The following CAMSAP1 variants were observed in gnomAD, a reference collection of about 807,000 sequenced individuals.
CAMSAP1 encodes calmodulin-regulated spectrin-associated protein 1.
A neutral mutation model predicts 143.5 loss-of-function variants in CAMSAP1; 58 were observed. That is an observed-to-expected ratio of 0.40 (90% CI 0.33 to 0.50). The LOEUF (loss-of-function observed/expected upper bound fraction) is 0.50, where lower values mean the gene tolerates loss of function less well. CAMSAP1 is among the 20% of genes least tolerant of loss of function. The pLI, the probability that CAMSAP1 is intolerant of heterozygous loss-of-function variation, is 0.45. For missense variants in CAMSAP1, 1,969 were observed against 2,115.7 expected (o/e 0.93, Z 1.36); for synonymous variants, 945 against 859.3 (o/e 1.10, Z -1.74).
In CAMSAP1 at chr9:135,823,947, C is replaced by G. The variant is rs180986654; in HGVS notation, c.1400+3G>C. The G allele has an allele frequency of 8.9e-6, 14 of 1,572,480 alleles. No individual in the cohort carries two copies. The highest frequency in any genetic ancestry group is 1.7e-4 in the Middle Eastern group (1 of 6,012). Reference sequence around the variant, plus strand: ...CAGAAACACTGCTGAAACACAGACTCACCTGGTTTTTTTTTCTGGCCAGGC... The same window carrying G: ...CAGAAACACTGCTGAAACACAGACTGACCTGGTTTTTTTTTCTGGCCAGGC... On this transcript the variant is annotated splice_donor_region_variant and intron_variant, in intron 10 of 16. Coordinates refer to ENST00000389532, the MANE Select transcript of CAMSAP1 (RefSeq NM_015447.4).
Position 135,907,491 on chromosome 9 carries a change from A to AGCG in CAMSAP1, c.-335_-333dup, listed in dbSNP as rs1011641088. On this transcript the variant is annotated 5_prime_UTR_variant, in exon 1 of 17. Coordinates refer to ENST00000389532, the MANE Select transcript of CAMSAP1 (RefSeq NM_015447.4). ...GGCAGCGCGTGCGCGGTCCCGGGTG[A>AGCG]GCGGCGGCGGCGGCGACAGCGGCTG... 1.7e-4 allele frequency among the ~76,000 whole-genome samples: 24 copies of AGCG among 141,688 alleles called. No individual in the cohort carries two copies. Among genetic ancestry groups the AGCG allele is most frequent in the Admixed American group, 1.3e-3 (19 of 14,302 alleles). The allele number at this position is 141,688 out of a possible 152,430, so 93.0% of individuals were successfully genotyped here.
At chr9:135,831,711 C>T (rs192110493) in intron 7 of CAMSAP1, among the ~76,000 whole-genome samples, 161 of 151,762 alleles carry the variant, frequency 1.1e-3, no homozygotes, top group Non-Finnish European at 1.8e-3. Context: ...AAGATAAAAT[C>T]GACAAACTAA....
At chr9:135,870,386 G>A (rs1837530466) in intron 3 of CAMSAP1, among the ~76,000 whole-genome samples, 1 of 152,132 alleles carries the variant, frequency 6.6e-6, no homozygotes, top group Non-Finnish European at 1.5e-5. Context: ...GGCCACCCCA[G>A]CCATGTGGAA....
At chr9:135,847,954 G>GGGGGCAGGGA (rs1836634786) in intron 7 of CAMSAP1, among the ~76,000 whole-genome samples, 1 of 93,496 alleles carries the variant, frequency 1.1e-5, no homozygotes, top group Non-Finnish European at 2.2e-5. Flanking sequence ...AGTGGGGGGG[G>GGGGGCAGGGA]AGGGGGAGGA....
chr9:135,843,246 G>C (rs1836426738), intron 7 of CAMSAP1, among the ~76,000 whole-genome samples: 3 of 152,148 alleles, frequency 2.0e-5, no homozygotes. Context: ...AGAATCGCTT[G>C]AACCCGGGAG....
chr9:135,824,436 G>A lies in CAMSAP1; in HGVS notation c.1315+353C>T, dbSNP rs536766795. 1.3e-5 allele frequency among the ~76,000 whole-genome samples: 2 copies of A among 152,316 alleles called. No homozygotes were observed. Among genetic ancestry groups the A allele is most frequent in the South Asian group, 2.1e-4 (1 of 4,832 alleles). On this transcript the variant is annotated intron_variant, in intron 9 of 16. Coordinates refer to ENST00000389532, the MANE Select transcript of CAMSAP1 (RefSeq NM_015447.4). The surrounding 1 kb of genome is among the most constrained non-coding windows in gnomAD (Gnocchi z 4.1). ...AATTCCAGCACTCTGGGAGGCCGAG[G>A]TGGGCAGATCATGAGGCTAGGAGAT...
In CAMSAP1 at chr9:135,850,303, C is replaced by G. The variant is rs748229753; in HGVS notation, c.948+19G>C. 1 of 1,610,088 alleles carries G rather than the reference C, an allele frequency of 6.2e-7. No homozygotes were observed. Among genetic ancestry groups the G allele is most frequent in the Non-Finnish European group, 8.5e-7 (1 of 1,178,132 alleles). On this transcript the variant is annotated intron_variant, in intron 6 of 16. Coordinates refer to ENST00000389532, the MANE Select transcript of CAMSAP1 (RefSeq NM_015447.4). ...TCACACATGGTTTTAAAACTGCATG[C>G]CAAATAATTCGTTATTACCTTCAAC...
Position 135,822,008 on chromosome 9 carries a change from G to A in CAMSAP1, c.2653C>T (p.Leu885=). 2 of 1,612,990 alleles carry A rather than the reference G, an allele frequency of 1.2e-6. 1 individual carries two copies. Among genetic ancestry groups the A allele is most frequent in the South Asian group, 2.2e-5 (2 of 91,078 alleles). The change falls in exon 11 of 17, where the codon CTG becomes TTG. Residue 885 remains leucine, a synonymous_variant. Coordinates refer to ENST00000389532, the MANE Select transcript of CAMSAP1 (RefSeq NM_015447.4). This position sits in a 1 kb window ranked among gnomAD's most constrained non-coding sequence, Gnocchi z 6.1. ...TCGATGGCCCTGCGCTTCTCCTCCA[G>A]CTGCATGTGCAGCTGTACCAGCTCA... ...ASELVQLHMQ[L]EEKRRAIEAQ...
chr9:135,899,122 G>A (rs1838542155), intron 1 of CAMSAP1, among the ~76,000 whole-genome samples: 1 of 152,214 alleles, frequency 6.6e-6, no homozygotes, highest in Non-Finnish European at 1.5e-5. Flanking sequence ...GCAGAGCAGT[G>A]AAGCCCTGGG....
At chr9:135,894,195 C>T (rs897128614) in intron 1 of CAMSAP1, among the ~76,000 whole-genome samples, 2 of 152,140 alleles carry the variant, frequency 1.3e-5, no homozygotes, top group Admixed American at 1.3e-4. Flanking sequence ...CACTCTCCTT[C>T]CCCATCAGGC....
chr9:135,813,942 A>G (rs1394713744), intron 16 of CAMSAP1, among the ~76,000 whole-genome samples: 1 of 152,220 alleles, frequency 6.6e-6, no homozygotes, highest in East Asian at 1.9e-4. Context: ...CACAAGGCCT[A>G]GCCCCGCCTC....
intron 7 of CAMSAP1, among the ~76,000 whole-genome samples, chr9:135,834,310 T>C (rs192708187): frequency 2.2e-3 from 333 of 152,310 alleles, no homozygotes; most frequent in African/African-American, 7.4e-3. Flanking sequence ...TGGGTATATA[T>C]CCAAAGGAAA....
Position 135,824,138 on chromosome 9 carries a change from C to T in CAMSAP1, c.1316-104G>A. 2.1e-6 allele frequency: 2 copies of T among 954,488 alleles called. No individual in the cohort carries two copies. Among genetic ancestry groups the T allele is most frequent in the South Asian group, 1.4e-5 (1 of 70,794 alleles). 59.1% of individuals were successfully genotyped at this position (954,488 alleles called of 1,614,324 possible). A position where few individuals can be genotyped will look rare whatever the true frequency, so the allele number is the denominator to read the frequency against. On this transcript the variant is annotated intron_variant, in intron 9 of 16. Transcript: ENST00000389532. This position sits in a 1 kb window ranked among gnomAD's most constrained non-coding sequence, Gnocchi z 4.1. ...CAGAAAAATGCCTCTCAAGTCAGTA[C>T]ACCAGAAGGGCCGCATGGAAAGCAG...
chr9:135,892,848 C>CAAAAAAAAAAAAAAAAAAA (rs59978082), intron 1 of CAMSAP1, among the ~76,000 whole-genome samples: 584 of 41,882 alleles, frequency 0.014, 61 homozygotes, highest in Middle Eastern at 0.016. Flanking sequence ...AAGACTGTCT[C>CAAAAAAAAAAAAAAAAAAA]AAAAAAAAAA....
rs188589796 is a variant in CAMSAP1, at chr9:135,890,427, C to T, written c.161-7349G>A. Among the ~76,000 whole-genome samples the T allele has an allele frequency of 2.6e-3, 390 of 152,160 alleles. 1 individual carries two copies. Among genetic ancestry groups the T allele is most frequent in the Non-Finnish European group, 4.9e-3 (330 of 68,020 alleles). On this transcript the variant is annotated intron_variant, in intron 1 of 16. Coordinates refer to ENST00000389532, the MANE Select transcript of CAMSAP1 (RefSeq NM_015447.4). ...AGAACCCGTCCCTCTTCCTGGACCG[C>T]GGTTTCCCCCTGAGGGCGCCTGGGA... is the stretch of plus-strand genomic sequence containing the variant.
chr9:135,849,880 T>A, intron 7 of CAMSAP1: 1 of 349,418 alleles, frequency 2.9e-6, no homozygotes, highest in Non-Finnish European at 5.2e-6. Flanking sequence ...AGTTTGTTCA[T>A]TCTGGAGGTG....
rs370678052 is a variant in CAMSAP1, at chr9:135,822,207, C to T, written c.2454G>A (p.Ala818=). 105 of 1,613,836 alleles carry T rather than the reference C, an allele frequency of 6.5e-5. No homozygotes were observed. The highest frequency in any genetic ancestry group is 2.5e-4 in the East Asian group (11 of 44,896). ...ASGSVKMTSF[A]ERKLQRLNSC... is the part of the protein sequence containing the mutation. ...TGTTGAGTCTCTGGAGCTTCCTCTC[C>T]GCAAAGCTGGTCATCTTCACGCTCC... Residue 818 remains alanine, a synonymous_variant, in exon 11 of 17, where the codon GCG becomes GCA. Transcript: ENST00000389532. This position sits in a 1 kb window ranked among gnomAD's most constrained non-coding sequence, Gnocchi z 6.1.
chr9:135,828,556 C>T (rs762455732), intron 7 of CAMSAP1, among the ~76,000 whole-genome samples: 1 of 152,154 alleles, frequency 6.6e-6, no homozygotes, highest in African/African-American at 2.4e-5. Flanking sequence ...CAAGGTGAGG[C>T]CCTAGATGGG....
At chr9:135,891,836 G>A (rs1465882492) in intron 1 of CAMSAP1, among the ~76,000 whole-genome samples, 2 of 152,116 alleles carry the variant, frequency 1.3e-5, no homozygotes, top group Non-Finnish European at 2.9e-5. Context: ...AAAAAATAGA[G>A]ATCTCAGCAG....
Sources: allele counts gnomAD v4.1 joint callset (sites outside exome capture counted in the v4.1 genomes callset), GRCh38; gene constraint gnomAD v4.1.1; non-coding constraint Gnocchi (gnomAD v3.1); transcripts MANE v1.5; gene names NCBI Gene and HGNC (gene_info 2026-07-23, HGNC 2026-07-21).